The following PRKCI variants were observed in gnomAD, a reference collection of about 807,000 sequenced individuals.
PRKCI encodes the protein protein kinase C iota type.
PRKCI carries 43 observed loss-of-function variants against 84.0 expected under a neutral mutation model. That is an observed-to-expected ratio of 0.51 (90% CI 0.40 to 0.66). The LOEUF (loss-of-function observed/expected upper bound fraction) is 0.66, where lower values mean the gene tolerates loss of function less well. PRKCI is among the 30% of genes least tolerant of loss of function. The pLI is 0.00. For synonymous variants in PRKCI, 216 were observed against 234.4 expected (o/e 0.92, Z 0.72); for missense variants, 459 against 745.6 (o/e 0.62, Z 4.48).
intron 8 of PRKCI, among the ~76,000 whole-genome samples, chr3:170,277,648 T>G (rs1353178868): frequency 1.3e-5 from 2 of 149,220 alleles, no homozygotes; most frequent in African/African-American, 5.0e-5. Context: ...GAGCAGAGAC[T>G]GTACCAGTGC....
At chr3:170,275,695 AAAC>A (rs1185573191) in intron 8 of PRKCI, among the ~76,000 whole-genome samples, 13 of 151,788 alleles carry the variant, frequency 8.6e-5, no homozygotes, top group Admixed American at 4.6e-4. Context: ...TTTTAAAACA[AAAC>A]AAATAATTAA....
intron 14 of PRKCI, among the ~76,000 whole-genome samples, chr3:170,294,212 A>G (rs933643507): frequency 1.3e-5 from 2 of 152,172 alleles, no homozygotes; most frequent in African/African-American, 4.8e-5. Flanking sequence ...ATAGAGCACC[A>G]AGATGATGAG....
intron 2 of PRKCI, among the ~76,000 whole-genome samples, chr3:170,247,502 G>A (rs1733315053): frequency 6.6e-6 from 1 of 151,538 alleles, no homozygotes; most frequent in South Asian, 2.1e-4. Flanking sequence ...AGGCAGAGGC[G>A]GGCGGATCAC....
chr3:170,229,045 C>T (rs1732714666), intron 1 of PRKCI, among the ~76,000 whole-genome samples: 5 of 151,940 alleles, frequency 3.3e-5, no homozygotes, highest in African/African-American at 7.3e-5. Context: ...GTGTAGAAGA[C>T]GTGATTTCAT....
chr3:170,247,174 A>T (rs1185424605), intron 2 of PRKCI, among the ~76,000 whole-genome samples: 1 of 151,136 alleles, frequency 6.6e-6, no homozygotes, highest in Non-Finnish European at 1.5e-5. Flanking sequence ...CAGTCCTCCC[A>T]CCTCAGCCTC....
chr3:170,259,437 G>A (rs73034378), intron 2 of PRKCI, among the ~76,000 whole-genome samples: 12,323 of 152,018 alleles, frequency 0.081, 1,199 homozygotes, highest in African/African-American at 0.23. Context: ...AACCTCATGT[G>A]GTATTTTTAT....
intron 1 of PRKCI, among the ~76,000 whole-genome samples, chr3:170,232,618 G>C (rs754415807): frequency 6.6e-6 from 1 of 151,806 alleles, no homozygotes; most frequent in Non-Finnish European, 1.5e-5. Context: ...CCAAGCTGAA[G>C]TCCAATGGCT....
intron 6 of PRKCI, 62 bp downstream of exon 6, chr3:170,270,623 AAC>A: frequency 6.7e-7 from 1 of 1,503,446 alleles, no homozygotes; most frequent in East Asian, 2.3e-5. Flanking sequence ...ACACTGCTAT[AAC>A]AGAGTGCTAA....
chr3:170,287,746 C>T (rs1375808150), intron 12 of PRKCI, among the ~76,000 whole-genome samples: 1 of 151,112 alleles, frequency 6.6e-6, no homozygotes, highest in African/African-American at 2.4e-5. Flanking sequence ...CTTGTCTCTA[C>T]TAAAAACACC....
At position 170,245,949 on chromosome 3, in the gene PRKCI, G is replaced by GTTTTTTTTTTTTTTTTTTT. The variant is rs112482352; in HGVS notation, c.223+10601_223+10619dup. On this transcript the variant is annotated intron_variant, in intron 2 of 17. Transcript: ENST00000295797. ...TTTTTTCCCTGGATGTTATGTCTTT[G>GTTTTTTTTTTTTTTTTTTT]TTTTTTTTTTTTTTTTTTTTTCTGA... Among the ~76,000 whole-genome samples the GTTTTTTTTTTTTTTTTTTT allele has an allele frequency of 1.3e-4, 11 of 82,460 alleles. 2 individuals are homozygous for GTTTTTTTTTTTTTTTTTTT. The highest frequency in any genetic ancestry group is 4.4e-4 in the African/African-American group (9 of 20,442). 54.1% of individuals were successfully genotyped at this position (82,460 alleles called of 152,430 possible).
intron 12 of PRKCI, chr3:170,291,546 A>G (rs373601243): frequency 4.2e-6 from 1 of 235,566 alleles, no homozygotes. Flanking sequence ...AAAATACAAA[A>G]ATTAGCTGGG....
Position 170,284,845 on chromosome 3 carries a change from G to A in PRKCI, c.1203+249G>A, listed in dbSNP as rs113509500. On this transcript the variant is annotated intron_variant, in intron 12 of 17. Transcript: ENST00000295797. ...TACATAACTTTTTATCTTGAAAGTTGAAATACAATTGAAGACAATTTGGAA... is the reference window on the plus strand; with the variant it reads ...TACATAACTTTTTATCTTGAAAGTTAAAATACAATTGAAGACAATTTGGAA... 6.3e-3 allele frequency among the ~76,000 whole-genome samples: 954 copies of A among 152,162 alleles called. 9 individuals are homozygous for A. Among genetic ancestry groups the A allele is most frequent in the African/African-American group, 0.022 (909 of 41,502 alleles).
At position 170,303,097 on chromosome 3, in the gene PRKCI, T is replaced by A; in HGVS notation, c.1761T>A (p.Pro587=). The change falls in exon 18 of 18, where the codon CCT becomes CCA. Residue 587 remains proline (P), a synonymous_variant. Transcript: ENST00000295797. ...SEFEGFEYIN[P]LLMSAEECV Reference sequence around the variant, plus strand: ...TTGAAGGTTTTGAGTATATCAATCCTCTTTTGATGTCTGCAGAAGAATGTG... The same window carrying A: ...TTGAAGGTTTTGAGTATATCAATCCACTTTTGATGTCTGCAGAAGAATGTG... The A allele has an allele frequency of 6.2e-7, 1 of 1,604,070 alleles. No homozygotes were observed. The highest frequency in any genetic ancestry group is 8.5e-7 in the Non-Finnish European group (1 of 1,175,870).
rs1476147780 is a variant in PRKCI, at chr3:170,238,375, A to G, written c.223+3024A>G. On this transcript the variant is annotated intron_variant, in intron 2 of 17. Transcript: ENST00000295797. ...GAGACTCCATTTCAAAAAAAAAAAA[A>G]TTATATACAAATCGTTATGCAGTGT... Among the ~76,000 whole-genome samples the G allele has an allele frequency of 4.6e-5, 7 of 151,976 alleles. No individual in the cohort carries two copies. The East Asian group carries it at 1.4e-3, about 29-fold the overall frequency.
At chr3:170,276,944 A>T (rs907118054) in intron 8 of PRKCI, among the ~76,000 whole-genome samples, 7 of 152,098 alleles carry the variant, frequency 4.6e-5, no homozygotes, top group African/African-American at 1.7e-4. Flanking sequence ...CAACCCCATT[A>T]AAAAATGAGC....
intron 1 of PRKCI, among the ~76,000 whole-genome samples, chr3:170,231,672 C>T (rs897006258): frequency 2.0e-5 from 3 of 152,060 alleles, no homozygotes; most frequent in African/African-American, 7.2e-5. Context: ...GCCATGTTGG[C>T]CAGACTGGTC....
intron 4 of PRKCI, among the ~76,000 whole-genome samples, chr3:170,266,608 T>C (rs1334714881): frequency 6.7e-6 from 1 of 149,362 alleles, no homozygotes; most frequent in African/African-American, 2.5e-5. Flanking sequence ...GCAGAGTGAA[T>C]GTTTTAAAAT....
chr3:170,264,996 G>A (rs565496321), intron 4 of PRKCI, among the ~76,000 whole-genome samples: 1 of 151,946 alleles, frequency 6.6e-6, no homozygotes, highest in African/African-American at 2.4e-5. Context: ...GACCAGCCTG[G>A]CCAACATGGT....
At chr3:170,238,913 A>G (rs986982640) in intron 2 of PRKCI, among the ~76,000 whole-genome samples, 3 of 150,348 alleles carry the variant, frequency 2.0e-5, no homozygotes, top group Non-Finnish European at 4.4e-5. Context: ...TTCTCTTTTA[A>G]TACAGAGGCT....
Sources: gnomAD v4.1 joint callset for allele counts (sites outside exome capture counted in the v4.1 genomes callset) on GRCh38, gnomAD v4.1.1 for gene constraint, MANE v1.5 for transcripts, NCBI Gene and HGNC (gene_info 2026-07-23, HGNC 2026-07-21) for gene names.